The following LEF1 variants were observed in gnomAD, a reference collection of about 807,000 sequenced individuals.
The protein encoded by LEF1 is lymphoid enhancer binding factor 1, also known as lymphoid enhancer-binding factor 1.
A neutral mutation model predicts 51.2 loss-of-function variants in LEF1; 14 were observed. The ratio of observed to expected loss-of-function variants is 0.27; its 90% CI spans 0.18 to 0.43. The LOEUF is 0.43. Ranked by LOEUF, LEF1 falls within the 20% of genes least tolerant of loss-of-function variation. The pLI is 1.00. For missense variants in LEF1, 386 were observed against 512.0 expected, an observed-to-expected ratio of 0.75 and a Z score of 2.37; for synonymous variants, 185 against 183.2, an observed-to-expected ratio of 1.01 and a Z score of -0.08.
At chr4:108,142,738 G>T (rs986098981) in intron 3 of LEF1, among the ~76,000 whole-genome samples, 2 of 152,048 alleles carry the variant, frequency 1.3e-5, no homozygotes, top group Non-Finnish European at 2.9e-5. Context: ...ATTTTTAATT[G>T]CTGCCTTTGA....
At chr4:108,071,442 G>A (rs1168033694) in intron 8 of LEF1, among the ~76,000 whole-genome samples, 1 of 151,986 alleles carries the variant, frequency 6.6e-6, no homozygotes, top group Admixed American at 6.6e-5. Context: ...TGGACAGCAC[G>A]GGGCATTATT....
chr4:108,153,426 G>T (rs1321550677), intron 3 of LEF1, among the ~76,000 whole-genome samples: 1 of 152,088 alleles, frequency 6.6e-6, no homozygotes, highest in Non-Finnish European at 1.5e-5. Flanking sequence ...GATACTGTCT[G>T]GCCTTATTAA....
chr4:108,073,795 A>T (rs762141395), intron 8 of LEF1, among the ~76,000 whole-genome samples: 4 of 150,310 alleles, frequency 2.7e-5, no homozygotes, highest in Non-Finnish European at 4.4e-5. Context: ...ATTTATTTAC[A>T]TGTTCCATTG....
chr4:108,156,030 T>G (rs988613541), intron 3 of LEF1, among the ~76,000 whole-genome samples: 1 of 152,230 alleles, frequency 6.6e-6, no homozygotes, highest in Non-Finnish European at 1.5e-5. Flanking sequence ...AAAAGTTCCT[T>G]CTATTGCCAA....
At chr4:108,051,206 C>A (rs966706477) in intron 11 of LEF1, among the ~76,000 whole-genome samples, 2 of 151,986 alleles carry the variant, frequency 1.3e-5, no homozygotes, top group Non-Finnish European at 2.9e-5. Context: ...CTTCAGAGAA[C>A]CTCTGTACAG....
chr4:108,076,632 C>T (rs1738880954), intron 8 of LEF1, among the ~76,000 whole-genome samples: 1 of 152,186 alleles, frequency 6.6e-6, no homozygotes, highest in South Asian at 2.1e-4. Flanking sequence ...CCTGCCTCGG[C>T]CTCTCAAAGT....
chr4:108,165,720 C>A (rs903024941), intron 1 of LEF1, among the ~76,000 whole-genome samples: 5 of 152,196 alleles, frequency 3.3e-5, no homozygotes, highest in African/African-American at 9.7e-5. Flanking sequence ...TGGCTGAGTG[C>A]AGGCTTACAA....
chr4:108,079,009 G>A (rs1739100557), intron 7 of LEF1, among the ~76,000 whole-genome samples: 1 of 152,180 alleles, frequency 6.6e-6, no homozygotes, highest in African/African-American at 2.4e-5. Flanking sequence ...TGCACTCACA[G>A]TCTGAGACAA....
At chr4:108,123,699 G>A (rs1295072841) in intron 3 of LEF1, among the ~76,000 whole-genome samples, 2 of 152,108 alleles carry the variant, frequency 1.3e-5, no homozygotes, top group East Asian at 1.9e-4. Flanking sequence ...TTGTGTGTGT[G>A]TGTGAGTAAA....
chr4:108,090,841 C>A (rs1187904151), intron 3 of LEF1, among the ~76,000 whole-genome samples: 1 of 152,136 alleles, frequency 6.6e-6, no homozygotes, highest in Non-Finnish European at 1.5e-5. Context: ...CTAGGGGAAT[C>A]ATTTTAAAGA....
intron 9 of LEF1, 38 bp downstream of exon 9, chr4:108,070,625 T>G: frequency 7.5e-6 from 10 of 1,333,458 alleles, no homozygotes; most frequent in Non-Finnish European, 8.6e-6. Flanking sequence ...AGCGAATGAG[T>G]GAGAGTGGAG....
At chr4:108,060,897 T>C (rs1042867846) in intron 11 of LEF1, among the ~76,000 whole-genome samples, 4 of 152,168 alleles carry the variant, frequency 2.6e-5, no homozygotes, top group African/African-American at 9.7e-5. Context: ...ATCATGACTA[T>C]AACAAGTCAG....
chr4:108,146,114 G>A (rs1447761113), intron 3 of LEF1, among the ~76,000 whole-genome samples: 2 of 152,222 alleles, frequency 1.3e-5, no homozygotes, highest in African/African-American at 4.8e-5. Context: ...ACAAAAGCCA[G>A]AGGAAAAGCT....
chr4:108,092,566 C>A (rs1740093694), intron 3 of LEF1, among the ~76,000 whole-genome samples: 1 of 152,204 alleles, frequency 6.6e-6, no homozygotes, highest in Non-Finnish European at 1.5e-5. Flanking sequence ...AACCCTGGCA[C>A]TGCTACTTTG....
chr4:108,117,175 G>A lies in LEF1; in HGVS notation c.415-27918C>T, dbSNP rs969120575. Reference sequence around the variant, plus strand: ...ATCTAAACAAAAATTACCTAATACTGCCACCCAGAAAAAAACTTAGAGATA... The same window carrying A: ...ATCTAAACAAAAATTACCTAATACTACCACCCAGAAAAAAACTTAGAGATA... On this transcript the variant is annotated intron_variant, in intron 3 of 11. Transcript: ENST00000265165. Among the ~76,000 whole-genome samples the A allele has an allele frequency of 4.0e-5, 6 of 151,670 alleles. No homozygotes were observed. In the East Asian group the frequency reaches 7.7e-4, roughly 20 times the overall value.
chr4:108,054,518 G>A (rs755603784), intron 11 of LEF1, among the ~76,000 whole-genome samples: 4 of 152,204 alleles, frequency 2.6e-5, no homozygotes, highest in Non-Finnish European at 5.9e-5. Context: ...AGAACGAGAG[G>A]AGGCAACACA....
chr4:108,073,963 C>T (rs1436721835), intron 8 of LEF1, among the ~76,000 whole-genome samples: 28 of 151,740 alleles, frequency 1.8e-4, no homozygotes, highest in African/African-American at 5.6e-4. Context: ...GTAGCTGGGA[C>T]GACAGGTGCG....
intron 9 of LEF1, among the ~76,000 whole-genome samples, chr4:108,065,480 A>C (rs1738008010): frequency 6.6e-6 from 1 of 152,114 alleles, no homozygotes; most frequent in Non-Finnish European, 1.5e-5. Context: ...ACAGAGTGAG[A>C]CTCCATCTCA....
At chr4:108,126,804 CAAA>C (rs11329450) in intron 3 of LEF1, among the ~76,000 whole-genome samples, 6 of 97,290 alleles carry the variant, frequency 6.2e-5, no homozygotes, top group Non-Finnish European at 1.9e-5. Flanking sequence ...GACTTTCTCT[CAAA>C]AAAAAAAAAA....
Sources: allele counts gnomAD v4.1 joint callset (sites outside exome capture counted in the v4.1 genomes callset), GRCh38; gene constraint gnomAD v4.1.1; transcripts MANE v1.5; gene names NCBI Gene and HGNC (gene_info 2026-07-23, HGNC 2026-07-21).